Variants in MARCO observed in about 807,000 individuals in gnomAD.
The protein encoded by MARCO is macrophage receptor with collagenous structure, also known as macrophage receptor MARCO.
In MARCO, 72 loss-of-function variants were observed where a neutral mutation model predicts 70.0. The observed-to-expected ratio is 1.03, with a 90% confidence interval of 0.85 to 1.25. The LOEUF is 1.25. MARCO is among the 50% of genes most tolerant of loss of function. The pLI is 0.00. For missense variants in MARCO, 696 were observed against 659.3 expected, an observed-to-expected ratio of 1.06 and a Z score of -0.61; for synonymous variants, 273 against 243.1, an observed-to-expected ratio of 1.12 and a Z score of -1.14.
chr2:118,987,261 C>T (rs187920129), intron 12 of MARCO, among the ~76,000 whole-genome samples: 123 of 152,318 alleles, frequency 8.1e-4, no homozygotes, highest in African/African-American at 2.8e-3. Flanking sequence ...TGCTCTCCAG[C>T]GTAGTTTTAC....
chr2:118,964,098 C>A (rs574741816), intron 1 of MARCO, among the ~76,000 whole-genome samples: 1 of 152,130 alleles, frequency 6.6e-6, no homozygotes, highest in East Asian at 1.9e-4. Flanking sequence ...ACATACAGAA[C>A]ATATCAACAT....
chr2:118,951,546 A>G (rs1679722671), intron 1 of MARCO, among the ~76,000 whole-genome samples: 3 of 152,238 alleles, frequency 2.0e-5, no homozygotes, highest in Admixed American at 1.3e-4. Flanking sequence ...AGTTGCTGCT[A>G]CAGATTGAAT....
intron 1 of MARCO, among the ~76,000 whole-genome samples, chr2:118,964,741 A>T (rs1373916568): frequency 6.6e-6 from 1 of 152,060 alleles, no homozygotes; most frequent in Non-Finnish European, 1.5e-5. Flanking sequence ...TATAAAAATT[A>T]GCCGGGCATG....
chr2:118,943,105 A>G (rs905918346), intron 1 of MARCO, among the ~76,000 whole-genome samples: 4 of 152,176 alleles, frequency 2.6e-5, no homozygotes, highest in African/African-American at 7.2e-5. Flanking sequence ...ATCATCTTCC[A>G]AGTTGATCAG....
rs1175264848 is a variant in MARCO at position 118,981,503 on chromosome 2, A to G, written c.861A>G (p.Pro287=). 2 of 1,600,636 alleles carry G rather than the reference A, an allele frequency of 1.2e-6. No individual in the cohort carries two copies. Among genetic ancestry groups the G allele is most frequent in the Non-Finnish European group, 1.7e-6 (2 of 1,176,570 alleles). The change falls in exon 9 of 17, where the codon CCA becomes CCG. Residue 287 remains proline (P), a synonymous_variant. Coordinates refer to ENST00000327097, the MANE Select transcript of MARCO (RefSeq NM_006770.4). ...AAGGTGACTTCGGGAGGCCAGGCCC[A>G]CCAGGTAAGAGGGCACGTGGTCACA... ...GSKGDFGRPG[P]PGLAGFPGAK...
In MARCO at chr2:118,942,395, A is replaced by C; in HGVS notation, c.95A>C (p.Asn32Thr). ...ATTGCAATGGAGCCTTTCGAAATCAATGGTAAAGTACGATTCCCCAATAAT... is the reference window on the plus strand; with the variant it reads ...ATTGCAATGGAGCCTTTCGAAATCACTGGTAAAGTACGATTCCCCAATAAT... Reference protein sequence around the residue: ...HQIAMEPFEINVPKPKRRNGV... With the variant: ...HQIAMEPFEITVPKPKRRNGV... The change falls in exon 1 of 17, where the codon AAT becomes ACT. Residue 32 changes from asparagine (N) to threonine (T), a missense_variant and splice_region_variant. Transcript: ENST00000327097. 6.2e-7 allele frequency: 1 copy of C among 1,609,200 alleles called. No homozygotes were observed. The highest frequency in any genetic ancestry group is 2.2e-5 in the East Asian group (1 of 44,778).
intron 1 of MARCO, among the ~76,000 whole-genome samples, chr2:118,947,124 G>C (rs34578061): frequency 0.011 from 1,697 of 152,214 alleles, 15 homozygotes; most frequent in Admixed American, 0.019. Flanking sequence ...GCATTGTTAT[G>C]TTCATATCAG....
chr2:118,988,454 A>G (rs1173041901), intron 12 of MARCO, among the ~76,000 whole-genome samples: 1 of 152,116 alleles, frequency 6.6e-6, no homozygotes, highest in African/African-American at 2.4e-5. Context: ...ACCACAATCT[A>G]TATGTCTATG....
At position 118,974,519 on chromosome 2, in the gene MARCO, A is replaced by G; in HGVS notation, c.569-2A>G. Reference sequence around the variant, plus strand: ...TCACTCTGAATTCCCTTTCCCTTCCAGGCCCCTCGGGACCCCAAGGCCCAC... The same window carrying G: ...TCACTCTGAATTCCCTTTCCCTTCCGGGCCCCTCGGGACCCCAAGGCCCAC... On this transcript the variant is annotated splice_acceptor_variant, in intron 5 of 16. Coordinates refer to ENST00000327097, the MANE Select transcript of MARCO (RefSeq NM_006770.4). LOFTEE classifies it high-confidence loss of function. 1 of 1,613,740 alleles carries G rather than the reference A, an allele frequency of 6.2e-7. No individual in the cohort carries two copies. Among genetic ancestry groups the G allele is most frequent in the Non-Finnish European group, 8.5e-7 (1 of 1,179,952 alleles).
At position 118,963,815 on chromosome 2, in the gene MARCO, C is replaced by A. The variant is rs1163551276; in HGVS notation, c.98-5345C>A. The stretch of plus-strand genomic sequence containing the variant: ...GATTATGTTTTTTAATACAGTTTGG[C>A]AATATCCGTCCTCTGATTTAGACCA... On this transcript the variant is annotated intron_variant, in intron 1 of 16. Coordinates refer to ENST00000327097, the MANE Select transcript of MARCO (RefSeq NM_006770.4). 2.0e-5 allele frequency among the ~76,000 whole-genome samples: 3 copies of A among 152,236 alleles called. No individual in the cohort carries two copies. In the East Asian group the frequency reaches 5.8e-4, roughly 29 times the overall value.
chr2:118,986,601 G>GA (rs1420119879), intron 12 of MARCO, among the ~76,000 whole-genome samples: 1 of 10,790 alleles, frequency 9.3e-5, no homozygotes, highest in Admixed American at 1.1e-3. Flanking sequence ...AAGAAAGAAA[G>GA]AAAGAAAGAA....
At chr2:118,978,071 C>T in intron 8 of MARCO, 136 bp downstream of exon 8, 1 of 573,232 alleles carries the variant, frequency 1.7e-6, no homozygotes, top group South Asian at 2.6e-5. Context: ...TCTGGAGCAC[C>T]ACACATAGTC....
intron 1 of MARCO, among the ~76,000 whole-genome samples, chr2:118,953,483 T>C (rs1679766959): frequency 6.6e-6 from 1 of 152,250 alleles, no homozygotes; most frequent in Non-Finnish European, 1.5e-5. Flanking sequence ...GATTTTTGTG[T>C]GTTCATCTTG....
chr2:118,943,953 G>T (rs1326501354), intron 1 of MARCO, among the ~76,000 whole-genome samples: 1 of 152,138 alleles, frequency 6.6e-6, no homozygotes, highest in Non-Finnish European at 1.5e-5. Context: ...AGGACAGAGA[G>T]GAACTTGGCA....
intron 1 of MARCO, among the ~76,000 whole-genome samples, chr2:118,963,838 C>T (rs985441504): frequency 1.3e-5 from 2 of 152,106 alleles, no homozygotes; most frequent in South Asian, 2.1e-4. Flanking sequence ...CTGATTTAGA[C>T]CATTTATACC....
intron 1 of MARCO, among the ~76,000 whole-genome samples, chr2:118,953,207 A>G (rs1181572358): frequency 6.6e-6 from 1 of 152,248 alleles, no homozygotes; most frequent in Non-Finnish European, 1.5e-5. Flanking sequence ...AGGAAGGGGC[A>G]TAGGCTGTGA....
chr2:118,948,824 T>C (rs1679654237), intron 1 of MARCO, among the ~76,000 whole-genome samples: 2 of 152,206 alleles, frequency 1.3e-5, no homozygotes, highest in Non-Finnish European at 2.9e-5. Flanking sequence ...TGTTTGTTTG[T>C]TTCTTGTTGA....
chr2:118,969,234 G>T lies in MARCO; in HGVS notation c.172G>T (p.Ala58Ser), dbSNP rs779729953. The change falls in exon 2 of 17, where the codon GCT (alanine) becomes TCT (serine). Residue 58 changes from alanine (A) to serine (S), a missense_variant. Ala to Ser is a moderately conservative substitution (Grantham distance 99). Around this residue, in one of 3 missense-constraint regions of MARCO, gnomAD observed 605 missense variants for 537.6 expected, o/e 1.13. Transcript: ENST00000327097. ...GGTCATCTACCTGATCCTGCTCACC[G>T]CTGGCGCTGGGCTGCTGGTGGTCCA... ...VVVIYLILLT[A>S]GAGLLVVQVL... The T allele has an allele frequency of 6.8e-6, 11 of 1,614,030 alleles. No homozygotes were observed. In the African/African-American group the frequency reaches 1.5e-4, roughly 22 times the overall value.
In MARCO at chr2:118,970,163, T is replaced by A. The variant is rs776023101; in HGVS notation, c.249T>A (p.Asn83Lys). The change falls in exon 3 of 17, where the codon AAT becomes AAA. Residue 83 changes from asparagine (N) to lysine (K), a missense_variant. Transcript: ENST00000327097. ...GGGTCCTGGAGATGTATTTCCTCAA[T>A]GACACTCTGGCGGCTGAGGACAGCC... ...RLRVLEMYFL[N>K]DTLAAEDSPS... 6.2e-7 allele frequency: 1 copy of A among 1,614,122 alleles called. No individual in the cohort carries two copies. Among genetic ancestry groups the A allele is most frequent in the East Asian group, 2.2e-5 (1 of 44,860 alleles).
Sources: allele counts gnomAD v4.1 joint callset (sites outside exome capture counted in the v4.1 genomes callset), GRCh38; gene constraint gnomAD v4.1.1; regional missense constraint gnomAD v4.1.1; transcripts MANE v1.5; gene names NCBI Gene and HGNC (gene_info 2026-07-23, HGNC 2026-07-21).